DAPK1: variants seen among roughly 807,000 people sequenced by gnomAD.
DAPK1 encodes death associated protein kinase 1.
In DAPK1, 56 loss-of-function variants were observed where a neutral mutation model predicts 144.9. That is an observed-to-expected ratio of 0.39 (90% CI 0.31 to 0.48). The LOEUF (loss-of-function observed/expected upper bound fraction) is 0.48, where lower values mean the gene tolerates loss of function less well. Ranked by LOEUF, DAPK1 falls within the 20% of genes least tolerant of loss-of-function variation. The probability of loss-of-function intolerance (pLI) is 0.95; values close to 1 mark genes in which losing one functional copy is unlikely to be tolerated. For synonymous variants in DAPK1, 690 were observed against 749.0 expected, an observed-to-expected ratio of 0.92 and a Z score of 1.29; for missense variants, 1,454 against 1,875.4, an observed-to-expected ratio of 0.78 and a Z score of 4.15.
intron 13 of DAPK1, 107 bp from the exon 14 acceptor site, chr9:87,647,198 G>A (rs1306989141): frequency 1.1e-6 from 1 of 885,336 alleles, no homozygotes; most frequent in Non-Finnish European, 1.9e-6. Context: ...TTGCTCCTCT[G>A]GGGTTTGTCA....
chr9:87,683,450 C>T (rs1039375214), intron 20 of DAPK1, among the ~76,000 whole-genome samples: 3 of 152,170 alleles, frequency 2.0e-5, no homozygotes, highest in Admixed American at 1.3e-4. Flanking sequence ...GGAGGCAGCA[C>T]GCTCCTGCTG....
At chr9:87,509,858 C>T (rs1824765666) in intron 2 of DAPK1, among the ~76,000 whole-genome samples, 1 of 152,212 alleles carries the variant, frequency 6.6e-6, no homozygotes, top group African/African-American at 2.4e-5. Flanking sequence ...TGCACCACAG[C>T]ACATGGAGGA....
Position 87,706,153 on chromosome 9 carries a change from A to C in DAPK1, c.3082A>C (p.Thr1028Pro). 1 of 1,597,572 alleles carries C rather than the reference A, an allele frequency of 6.3e-7. No homozygotes were observed. The highest frequency in any genetic ancestry group is 8.6e-7 in the Non-Finnish European group (1 of 1,167,436). ...TGEINIMQSE[T>P]VQDVLLLDPR... ...GCAGATCAACATCATGCAAAGTGAA[A>C]CAGTTCAGGACGTGCTGCTCCTGGA... The change falls in exon 26 of 26, where the codon ACA (threonine) becomes CCA (proline). Residue 1028 changes from threonine to proline, a missense_variant. By Grantham distance (38) the Thr-to-Pro change is conservative. Around this residue, in one of 2 missense-constraint regions of DAPK1, gnomAD observed 1,025 missense variants for 1,237.9 expected, o/e 0.83. Coordinates refer to ENST00000408954, the MANE Select transcript of DAPK1 (RefSeq NM_004938.4). This position sits in a 1 kb window ranked among gnomAD's most constrained non-coding sequence, Gnocchi z 9.0.
chr9:87,596,606 T>C (rs1057121533), intron 2 of DAPK1, among the ~76,000 whole-genome samples: 1 of 152,210 alleles, frequency 6.6e-6, no homozygotes, highest in African/African-American at 2.4e-5. Flanking sequence ...CCCGTTTTTC[T>C]GAGCCTGGGA....
intron 3 of DAPK1, among the ~76,000 whole-genome samples, chr9:87,626,336 A>G (rs1443376940): frequency 6.6e-6 from 1 of 152,176 alleles, no homozygotes; most frequent in African/African-American, 2.4e-5. Flanking sequence ...AATCACTTGA[A>G]CCCGGAAGGT....
At chr9:87,701,640 C>T (rs17404359) in intron 24 of DAPK1, among the ~76,000 whole-genome samples, 3,119 of 151,894 alleles carry the variant, frequency 0.021, 56 homozygotes, top group Non-Finnish European at 0.035. Flanking sequence ...ACTCTGGAGT[C>T]TTCCTGCTGC....
rs538790206 is a variant in DAPK1 at position 87,555,232 on chromosome 9, G to A, written c.63-49722G>A. ...ACCCAGTTCCTGATCTAGCTGTCCCGTTAGGGCATTTCCATAATACAGCAC... is the reference window on the plus strand; with the variant it reads ...ACCCAGTTCCTGATCTAGCTGTCCCATTAGGGCATTTCCATAATACAGCAC... On this transcript the variant is annotated intron_variant, in intron 2 of 25. Transcript: ENST00000408954. Among the ~76,000 whole-genome samples, 53 of 152,274 alleles carry A rather than the reference G, an allele frequency of 3.5e-4. No homozygotes were observed. In the South Asian group the frequency reaches 3.7e-3, roughly 11 times the overall value.
At chr9:87,597,158 T>G (rs1366769903) in intron 2 of DAPK1, among the ~76,000 whole-genome samples, 4 of 152,208 alleles carry the variant, frequency 2.6e-5, no homozygotes, top group African/African-American at 9.6e-5. Context: ...TGCCACATTC[T>G]GTGGGTTAGC....
chr9:87,506,660 G>A (rs1330063919), intron 2 of DAPK1, among the ~76,000 whole-genome samples: 3 of 152,192 alleles, frequency 2.0e-5, no homozygotes, highest in African/African-American at 7.2e-5. Context: ...ACTTTATGTG[G>A]AAGATAATAT....
At chr9:87,583,329 A>G (rs1312514544) in intron 2 of DAPK1, among the ~76,000 whole-genome samples, 1 of 152,186 alleles carries the variant, frequency 6.6e-6, no homozygotes, top group Non-Finnish European at 1.5e-5. Context: ...AGTCACTGGG[A>G]ATGCAGGTAG....
chr9:87,565,614 C>T (rs1587723985), intron 2 of DAPK1, among the ~76,000 whole-genome samples: 1 of 152,118 alleles, frequency 6.6e-6, no homozygotes, highest in African/African-American at 2.4e-5. Context: ...TTCTTTCTGC[C>T]TAGAAGAGAA....
intron 2 of DAPK1, among the ~76,000 whole-genome samples, chr9:87,532,295 G>T (rs979632802): frequency 2.0e-5 from 3 of 152,194 alleles, no homozygotes; most frequent in Non-Finnish European, 4.4e-5. Flanking sequence ...ACATGAAAAT[G>T]ATATGAGATT....
In DAPK1 at chr9:87,571,467, A is replaced by C. The variant is rs1325399821; in HGVS notation, c.63-33487A>C. Among the ~76,000 whole-genome samples the C allele has an allele frequency of 1.2e-3, 67 of 55,962 alleles. 4 individuals are homozygous for C. Among genetic ancestry groups the C allele is most frequent in the Admixed American group, 8.3e-3 (50 of 6,014 alleles). The allele number at this position is 55,962 out of a possible 152,430, so 36.7% of individuals were successfully genotyped here. A position where few individuals can be genotyped will look rare whatever the true frequency, so the allele number is the denominator to read the frequency against. On this transcript the variant is annotated intron_variant, in intron 2 of 25. Coordinates refer to ENST00000408954, the MANE Select transcript of DAPK1 (RefSeq NM_004938.4). ...CACACACACACACACACACACACACACACACACCAACACACACACACACAC... is the reference window on the plus strand; with the variant it reads ...CACACACACACACACACACACACACCCACACACCAACACACACACACACAC...
intron 2 of DAPK1, among the ~76,000 whole-genome samples, chr9:87,510,984 G>A (rs1824817089): frequency 6.6e-6 from 1 of 152,182 alleles, no homozygotes; most frequent in African/African-American, 2.4e-5. Flanking sequence ...AGCAGGAACG[G>A]GAGAGAGAGG....
intron 2 of DAPK1, among the ~76,000 whole-genome samples, chr9:87,566,433 C>T (rs1827129548): frequency 6.6e-6 from 1 of 152,074 alleles, no homozygotes; most frequent in Non-Finnish European, 1.5e-5. Context: ...CTATATATCT[C>T]CAAGATGATA....
chr9:87,686,097 A>G lies in DAPK1; in HGVS notation c.2225-454A>G, dbSNP rs1031325114. Among the ~76,000 whole-genome samples, 16 of 152,204 alleles carry G rather than the reference A, an allele frequency of 1.1e-4. No homozygotes were observed. The highest frequency in any genetic ancestry group is 8.5e-4 in the Admixed American group (13 of 15,284). On this transcript the variant is annotated intron_variant, in intron 20 of 25. Transcript: ENST00000408954. This position sits in a 1 kb window ranked among gnomAD's most constrained non-coding sequence, Gnocchi z 4.2. ...ACTGTCTGAAATCATTTTCCATTTA[A>G]CCTGCAATAATAATCTCATGTGCAA... is the stretch of plus-strand genomic sequence containing the variant.
At chr9:87,653,165 C>A (rs1830515348) in intron 17 of DAPK1, among the ~76,000 whole-genome samples, 2 of 147,300 alleles carry the variant, frequency 1.4e-5, no homozygotes, top group Non-Finnish European at 3.0e-5. Flanking sequence ...TCCCCCCGAT[C>A]CTGGGTCCTG....
intron 3 of DAPK1, among the ~76,000 whole-genome samples, chr9:87,612,385 A>G (rs1043528553): frequency 1.3e-5 from 2 of 152,214 alleles, no homozygotes; most frequent in African/African-American, 4.8e-5. Context: ...GTGGAGACAG[A>G]GGAATGGAGT....
intron 2 of DAPK1, among the ~76,000 whole-genome samples, chr9:87,517,817 AT>A (rs1825120215): frequency 6.6e-6 from 1 of 152,004 alleles, no homozygotes; most frequent in Non-Finnish European, 1.5e-5. Context: ...CCCATTGATG[AT>A]TTTCCCCAAA....
Sources: gnomAD v4.1 joint callset for allele counts (sites outside exome capture counted in the v4.1 genomes callset) on GRCh38, gnomAD v4.1.1 for gene constraint, gnomAD v4.1.1 regional missense constraint, Gnocchi (gnomAD v3.1) non-coding constraint, MANE v1.5 for transcripts, NCBI Gene and HGNC (gene_info 2026-07-23, HGNC 2026-07-21) for gene names.